The following BBS9 variants were observed in gnomAD, a reference collection of about 807,000 sequenced individuals.
BBS9 encodes the protein Bardet-Biedl syndrome 9.
Under a neutral mutation model 117.7 loss-of-function variants are expected in BBS9, and 89 were observed. The observed-to-expected ratio is 0.76, with a 90% CI of 0.64 to 0.90. BBS9 has a LOEUF of 0.90. BBS9 is among the 40% of genes least tolerant of loss of function. The probability of loss-of-function intolerance (pLI) is 0.00; values close to 1 mark genes in which losing one functional copy is unlikely to be tolerated. For missense variants in BBS9, 982 were observed against 1,042.2 expected, an observed-to-expected ratio of 0.94 and a Z score of 0.80; for synonymous variants, 379 against 370.9, an observed-to-expected ratio of 1.02 and a Z score of -0.25.
At chr7:33,223,606 GTCT>G (rs1310181902) in intron 5 of BBS9, among the ~76,000 whole-genome samples, 1 of 152,074 alleles carries the variant, frequency 6.6e-6, no homozygotes, top group Non-Finnish European at 1.5e-5. Context: ...ACTTAGGAAT[GTCT>G]TTTATGTGAA....
downstream of BBS9, among the ~76,000 whole-genome samples, chr7:33,608,371 T>C (rs1864692629): frequency 6.6e-6 from 1 of 152,094 alleles, no homozygotes; most frequent in Non-Finnish European, 1.5e-5. Flanking sequence ...TGCCTTTTGG[T>C]AGAATTATTT....
intron 21 of BBS9, among the ~76,000 whole-genome samples, chr7:33,569,819 C>T (rs1857500321): frequency 6.6e-6 from 1 of 152,054 alleles, no homozygotes; most frequent in Non-Finnish European, 1.5e-5. Flanking sequence ...TGTGTGCATG[C>T]ACATGCATAC....
At chr7:33,217,739 T>C (rs968730391) in intron 5 of BBS9, among the ~76,000 whole-genome samples, 1 of 152,198 alleles carries the variant, frequency 6.6e-6, no homozygotes, top group Non-Finnish European at 1.5e-5. Context: ...CTGGAAACCA[T>C]GTTGAGTATG....
chr7:33,515,222 C>G (rs1207540628), intron 20 of BBS9, among the ~76,000 whole-genome samples: 3 of 152,168 alleles, frequency 2.0e-5, no homozygotes, highest in African/African-American at 7.2e-5. Flanking sequence ...TTTAGACATA[C>G]ATTTTATCAT....
chr7:33,294,187 A>G (rs577208649), intron 9 of BBS9, among the ~76,000 whole-genome samples: 19 of 152,128 alleles, frequency 1.2e-4, no homozygotes, highest in Admixed American at 8.5e-4. Flanking sequence ...ACTTATAAAT[A>G]TTTTTCCATT....
intron 5 of BBS9, among the ~76,000 whole-genome samples, chr7:33,236,606 A>G (rs1201850343): frequency 1.3e-5 from 2 of 152,032 alleles, no homozygotes; most frequent in South Asian, 2.1e-4. Flanking sequence ...TATACAACAC[A>G]TTATAATATG....
In BBS9 at chr7:33,383,774, C is replaced by T; in HGVS notation, c.1898C>T (p.Ala633Val). ...YFEKQGVKDF[A>V]CSFSGSIPLQ... ...GAAAAACAGGGAGTCAAAGATTTTGCATGTTCTTTTTCGGGATCTATACCC... is the reference window on the plus strand; with the variant it reads ...GAAAAACAGGGAGTCAAAGATTTTGTATGTTCTTTTTCGGGATCTATACCC... Residue 633 changes from alanine (A) to valine (V), a missense_variant, in exon 18 of 23, where the codon GCA becomes GTA. Ala to Val is a moderately conservative substitution (Grantham distance 64). Coordinates refer to ENST00000242067, the MANE Select transcript of BBS9 (RefSeq NM_198428.3). The T allele has an allele frequency of 1.2e-6, 2 of 1,612,792 alleles. No individual in the cohort carries two copies.
chr7:33,152,786 A>G lies in BBS9; in HGVS notation c.198A>G (p.Glu66=), dbSNP rs200845910. ...AAACAGGAGATGGAGCTCAAGCCGA[A>G]GATTTGCTTCTAGAAGTGGATCTAC... ...PAKTGDGAQA[E]DLLLEVDLRD... Residue 66 remains glutamate (E), a synonymous_variant, in exon 3 of 23, where the codon GAA becomes GAG. Transcript: ENST00000242067. The G allele has an allele frequency of 2.5e-6, 4 of 1,613,970 alleles. No individual in the cohort carries two copies. The East Asian group carries it at 8.9e-5, about 36-fold the overall frequency.
rs115874044 is a variant in BBS9, at chr7:33,444,653, C to T, written c.2115+56509C>T. On this transcript the variant is annotated intron_variant, in intron 19 of 22. Coordinates refer to ENST00000242067, the MANE Select transcript of BBS9 (RefSeq NM_198428.3). ...ACACAGATGTCTTGGCTCCAAAGAA[C>T]GTGTACTAAATGAGTGCTGCTTGGA... Among the ~76,000 whole-genome samples the T allele has an allele frequency of 3.2e-3, 489 of 152,248 alleles. 1 individual carries two copies. The highest frequency in any genetic ancestry group is 0.011 in the African/African-American group (466 of 41,550).
At chr7:33,432,335 T>C (rs1027047100) in intron 19 of BBS9, among the ~76,000 whole-genome samples, 1 of 151,820 alleles carries the variant, frequency 6.6e-6, no homozygotes, top group East Asian at 1.9e-4. Context: ...AGTCTCGATC[T>C]CCTGACCTCG....
intron 17 of BBS9, among the ~76,000 whole-genome samples, chr7:33,378,977 C>T (rs547056303): frequency 7.2e-5 from 11 of 152,312 alleles, no homozygotes; most frequent in African/African-American, 1.2e-4. Flanking sequence ...TAACTTATGG[C>T]GGATAGGCTT....
chr7:33,556,189 G>A (rs1855263754), intron 21 of BBS9, among the ~76,000 whole-genome samples: 1 of 152,160 alleles, frequency 6.6e-6, no homozygotes, highest in Non-Finnish European at 1.5e-5. Context: ...CACGGCAATA[G>A]GAGTGAGTTT....
At chr7:33,541,373 C>G (rs958561778) in intron 21 of BBS9, among the ~76,000 whole-genome samples, 1 of 152,178 alleles carries the variant, frequency 6.6e-6, no homozygotes, top group Non-Finnish European at 1.5e-5. Flanking sequence ...ATGGCCCACA[C>G]TGCTATTTCC....
At chr7:33,319,282 A>T (rs1252268708) in intron 9 of BBS9, among the ~76,000 whole-genome samples, 1 of 151,886 alleles carries the variant, frequency 6.6e-6, no homozygotes, top group East Asian at 1.9e-4. Flanking sequence ...CAGTTTCTTT[A>T]TCCACTCATT....
At chr7:33,482,808 G>A (rs369482479) in intron 19 of BBS9, among the ~76,000 whole-genome samples, 7 of 152,168 alleles carry the variant, frequency 4.6e-5, no homozygotes, top group African/African-American at 4.8e-5. Flanking sequence ...TGTTGTTCTG[G>A]CCATTCATAC....
chr7:33,411,115 G>A (rs190167338), intron 19 of BBS9, among the ~76,000 whole-genome samples: 7 of 150,354 alleles, frequency 4.7e-5, no homozygotes, highest in East Asian at 2.0e-4. Context: ...TCTTTTAGCC[G>A]GAAAGGATGC....
chr7:33,455,560 C>A (rs1374372668), intron 19 of BBS9, among the ~76,000 whole-genome samples: 1 of 152,190 alleles, frequency 6.6e-6, no homozygotes, highest in African/African-American at 2.4e-5. Flanking sequence ...TCAAGGCAAT[C>A]TGACAAAGTT....
At chr7:33,562,068 A>G (rs1314919784) in intron 21 of BBS9, among the ~76,000 whole-genome samples, 1 of 152,250 alleles carries the variant, frequency 6.6e-6, no homozygotes, top group South Asian at 2.1e-4. Context: ...AGTAACTTCA[A>G]TTTCAAAGTA....
chr7:33,389,739 A>T (rs1191629743), intron 19 of BBS9, among the ~76,000 whole-genome samples: 1 of 151,078 alleles, frequency 6.6e-6, no homozygotes, highest in Admixed American at 6.6e-5. Flanking sequence ...GAAAATTAGC[A>T]GCAATTTAAA....
Sources: allele counts gnomAD v4.1 joint callset (sites outside exome capture counted in the v4.1 genomes callset), GRCh38; gene constraint gnomAD v4.1.1; transcripts MANE v1.5; gene names NCBI Gene and HGNC (gene_info 2026-07-23, HGNC 2026-07-21).